Variants in LINS1 observed in about 807,000 individuals in gnomAD.
LINS1 encodes protein Lines homolog 1.
Under a neutral mutation model 41.6 loss-of-function variants are expected in LINS1, and 27 were observed. The ratio of observed to expected loss-of-function variants is 0.65; its 90% CI spans 0.48 to 0.89. LINS1 has a LOEUF of 0.89. LINS1 is among the 40% of genes least tolerant of loss of function. The probability of loss-of-function intolerance (pLI) is 0.00; values close to 1 mark genes in which losing one functional copy is unlikely to be tolerated. For missense variants in LINS1, 955 were observed against 884.1 expected, an observed-to-expected ratio of 1.08 and a Z score of -1.02; for synonymous variants, 336 against 312.9, an observed-to-expected ratio of 1.07 and a Z score of -0.78.
chr15:100,585,064 C>T lies in LINS1; in HGVS notation c.-103-4119G>A, dbSNP rs144313523. ...GAAGCACGGGAAAGCATGGCATTATCAAATTATATGGATGTTAAAAGTTGG... is the reference window on the plus strand; with the variant it reads ...GAAGCACGGGAAAGCATGGCATTATTAAATTATATGGATGTTAAAAGTTGG... On this transcript the variant is annotated intron_variant, in intron 1 of 6. Transcript: ENST00000314742. 1.8e-3 allele frequency among the ~76,000 whole-genome samples: 274 copies of T among 152,298 alleles called. 3 individuals are homozygous for T. The highest frequency in any genetic ancestry group is 6.1e-3 in the African/African-American group (253 of 41,560).
rs12460 is a variant in LINS1, at chr15:100,569,613, G to A, written c.1899C>T (p.Asp633=). 0.54 allele frequency: 867,570 copies of A among 1,612,298 alleles called. 235,990 individuals are homozygous for A. The highest frequency in any genetic ancestry group is 0.56 in the Middle Eastern group (3,418 of 6,058). ...GCTCTGTGGATTCCACGTCAGAATCGTCAGAGCTGTCGTAATCTACCAGAC... is the reference window on the plus strand; with the variant it reads ...GCTCTGTGGATTCCACGTCAGAATCATCAGAGCTGTCGTAATCTACCAGAC... ...SQSLVDYDSS[D]DSDVESTEQC... is the part of the protein sequence containing the mutation. The change falls in exon 7 of 7, where the codon GAC becomes GAT. Residue 633 remains aspartate, a synonymous_variant. Coordinates refer to ENST00000314742, the MANE Select transcript of LINS1 (RefSeq NM_001040616.3).
At chr15:100,601,591 T>C (rs2039497625) in intron 1 of LINS1, among the ~76,000 whole-genome samples, 1 of 151,974 alleles carries the variant, frequency 6.6e-6, no homozygotes, top group Non-Finnish European at 1.5e-5. Flanking sequence ...CTGGTCAAAA[T>C]CGATTCCACC....
At chr15:100,595,378 C>T (rs1016756327) in intron 1 of LINS1, among the ~76,000 whole-genome samples, 2 of 151,738 alleles carry the variant, frequency 1.3e-5, no homozygotes, top group Non-Finnish European at 2.9e-5. Flanking sequence ...CAGACATGCA[C>T]AGACATTTCA....
intron 1 of LINS1, among the ~76,000 whole-genome samples, chr15:100,583,840 T>C (rs1180037813): frequency 1.3e-5 from 2 of 152,224 alleles, no homozygotes; most frequent in African/African-American, 4.8e-5. Flanking sequence ...GAAATTAGTC[T>C]TCATGTTCCA....
Position 100,569,982 on chromosome 15 carries a change from A to G in LINS1, c.1530T>C (p.Leu510=). 1 of 1,570,850 alleles carries G rather than the reference A, an allele frequency of 6.4e-7. No homozygotes were observed. Among genetic ancestry groups the G allele is most frequent in the Non-Finnish European group, 8.6e-7 (1 of 1,159,872 alleles). The change falls in exon 7 of 7, where the codon CTT becomes CTC. Residue 510 remains leucine, a synonymous_variant. Coordinates refer to ENST00000314742, the MANE Select transcript of LINS1 (RefSeq NM_001040616.3). The stretch of plus-strand genomic sequence containing the variant: ...AGGTTTCTGATGAAATCAAAAAGTC[A>G]AGAAGAACTGTGGAATCAAATCCTA... ...KNIGFDSTVL[L]DFLISSETCF... is the part of the protein sequence containing the mutation.
chr15:100,570,179 A>G, intron 6 of LINS1, 62 bp from the exon 7 acceptor site: 1 of 1,308,182 alleles, frequency 7.6e-7, no homozygotes. Flanking sequence ...CAGTTTTACC[A>G]GATATAATTC....
rs761014000 is a variant in LINS1, at chr15:100,568,656, G to C, written c.*582C>G. ...CCAGGTGTCTGAAGCTGCGGCACAC[G>C]TGGCAAGTTGTTACGGCAGCCCTAG... On this transcript the variant is annotated 3_prime_UTR_variant, in exon 7 of 7. Coordinates refer to ENST00000314742, the MANE Select transcript of LINS1 (RefSeq NM_001040616.3). 6.5e-6 allele frequency: 1 copy of C among 152,760 alleles called. No individual in the cohort carries two copies. The highest frequency in any genetic ancestry group is 2.1e-4 in the South Asian group (1 of 4,854). 9.5% of individuals were successfully genotyped at this position (152,760 alleles called of 1,614,324 possible). A position where few individuals can be genotyped will look rare whatever the true frequency, so the allele number is the denominator to read the frequency against.
At chr15:100,585,227 C>T (rs1460604347) in intron 1 of LINS1, among the ~76,000 whole-genome samples, 2 of 152,202 alleles carry the variant, frequency 1.3e-5, no homozygotes, top group Non-Finnish European at 2.9e-5. Flanking sequence ...GGGAACACCC[C>T]AGGGGGATCC....
rs2037718968 is a variant in LINS1 at position 100,569,841 on chromosome 15, A to C, written c.1671T>G (p.Cys557Trp). 6.2e-7 allele frequency: 1 copy of C among 1,614,234 alleles called. No individual in the cohort carries two copies. Among genetic ancestry groups the C allele is most frequent in the Non-Finnish European group, 8.5e-7 (1 of 1,180,036 alleles). The change falls in exon 7 of 7, where the codon TGT becomes TGG. Residue 557 changes from cysteine (C) to tryptophan (W), a missense_variant. Transcript: ENST00000314742. Reference sequence around the variant, plus strand: ...CTTGGACAAGTGAGGGGACACAGCCACAAATACTTATGTCATATTTAGATT... The same window carrying C: ...CTTGGACAAGTGAGGGGACACAGCCCCAAATACTTATGTCATATTTAGATT... ...ATESKYDISI[C>W]GCVPSLVQDQ...
At chr15:100,572,751 C>G (rs533328928) in intron 5 of LINS1, 1,299 of 983,080 alleles carry the variant, frequency 1.3e-3, no homozygotes, top group Middle Eastern at 2.1e-3. Flanking sequence ...TCATTTTTCT[C>G]AAGTAAAATG....
intron 3 of LINS1, 145 bp downstream of exon 3, chr15:100,580,118 G>A (rs1325397749): frequency 6.0e-6 from 4 of 663,778 alleles, no homozygotes; most frequent in African/African-American, 3.7e-5. Context: ...CCAGCACTTT[G>A]GGAGGCTGAG....
At position 100,586,882 on chromosome 15, in the gene LINS1, C is replaced by T. The variant is rs561869713; in HGVS notation, c.-103-5937G>A. Among the ~76,000 whole-genome samples the T allele has an allele frequency of 4.6e-5, 7 of 152,158 alleles. No individual in the cohort carries two copies. The East Asian group carries it at 1.4e-3, about 29-fold the overall frequency. ...AAGTAAGTATTGTAAAGAAATGTGG[C>T]CGGGTGCGGTGGCTCATGCCTGTAA... On this transcript the variant is annotated intron_variant, in intron 1 of 6. Transcript: ENST00000314742.
In LINS1 at chr15:100,569,200, A is replaced by C. The variant is rs1484537701; in HGVS notation, c.*38T>G. 2 of 1,394,140 alleles carry C rather than the reference A, an allele frequency of 1.4e-6. No homozygotes were observed. Among genetic ancestry groups the C allele is most frequent in the Admixed American group, 3.5e-5 (2 of 57,642 alleles). 86.4% of individuals were successfully genotyped at this position (1,394,140 alleles called of 1,614,324 possible). On this transcript the variant is annotated 3_prime_UTR_variant, in exon 7 of 7. Coordinates refer to ENST00000314742, the MANE Select transcript of LINS1 (RefSeq NM_001040616.3). ...ACCTCATTGAGACATAATTTATATTAAGGAAAAACAATACCTGGAAAATAA... is the reference window on the plus strand; with the variant it reads ...ACCTCATTGAGACATAATTTATATTCAGGAAAAACAATACCTGGAAAATAA...
At chr15:100,572,258 A>T (rs2037873180) in intron 5 of LINS1, 193 bp from the exon 6 acceptor site, 1 of 1,406,400 alleles carries the variant, frequency 7.1e-7, no homozygotes, top group Non-Finnish European at 9.2e-7. Context: ...AGGGAAAAAA[A>T]GTGACTCATT....
chr15:100,596,088 G>C (rs1345351664), intron 1 of LINS1, among the ~76,000 whole-genome samples: 1 of 152,202 alleles, frequency 6.6e-6, no homozygotes, highest in Admixed American at 6.5e-5. Context: ...AGGAGATTTG[G>C]AGTGGGAGGG....
Position 100,567,601 on chromosome 15 carries a change from C to T in LINS1, c.*1637G>A, listed in dbSNP as rs535629500. ...CGTGCATAGAACGCATCTACCATTC[C>T]ACTGACTATACAAATTCTGACTTAC... On this transcript the variant is annotated 3_prime_UTR_variant, in exon 7 of 7. Coordinates refer to ENST00000314742, the MANE Select transcript of LINS1 (RefSeq NM_001040616.3). 1.2e-4 allele frequency: 18 copies of T among 152,300 alleles called. No homozygotes were observed. Among genetic ancestry groups the T allele is most frequent in the African/African-American group, 4.1e-4 (17 of 41,560 alleles). 9.4% of individuals were successfully genotyped at this position (152,300 alleles called of 1,614,324 possible). A position where few individuals can be genotyped will look rare whatever the true frequency, so the allele number is the denominator to read the frequency against.
chr15:100,598,510 T>C (rs1444236920), intron 1 of LINS1, among the ~76,000 whole-genome samples: 1 of 152,194 alleles, frequency 6.6e-6, no homozygotes, highest in African/African-American at 2.4e-5. Context: ...ACAACGTACT[T>C]GACAGAAGCA....
At position 100,569,624 on chromosome 15, in the gene LINS1, C is replaced by G. The variant is rs61999316; in HGVS notation, c.1888G>C (p.Asp630His). The change falls in exon 7 of 7, where the codon GAC becomes CAC. Residue 630 changes from aspartate to histidine, a missense_variant. Transcript: ENST00000314742. ...TCCACGTCAGAATCGTCAGAGCTGT[C>G]GTAATCTACCAGACTTTGAGAGGCC... Reference protein sequence around the residue: ...PRASQSLVDYDSSDDSDVEST... With the variant: ...PRASQSLVDYHSSDDSDVEST... 1 of 1,613,004 alleles carries G rather than the reference C, an allele frequency of 6.2e-7. No homozygotes were observed. The highest frequency in any genetic ancestry group is 1.3e-5 in the African/African-American group (1 of 74,868).
chr15:100,581,502 T>C (rs1276793550), intron 1 of LINS1, among the ~76,000 whole-genome samples: 1 of 152,222 alleles, frequency 6.6e-6, no homozygotes, highest in African/African-American at 2.4e-5. Context: ...TAGACTGCTA[T>C]ATGGTCAAAC....
Sources: gnomAD v4.1 joint callset for allele counts (sites outside exome capture counted in the v4.1 genomes callset) on GRCh38, gnomAD v4.1.1 for gene constraint, MANE v1.5 for transcripts, NCBI Gene and HGNC (gene_info 2026-07-23, HGNC 2026-07-21) for gene names.